The following CCBE1 variants were observed in gnomAD, a reference collection of about 807,000 sequenced individuals.
CCBE1 encodes collagen and calcium binding EGF domains 1.
In CCBE1, 37 loss-of-function variants were observed where a neutral mutation model predicts 50.0. The observed-to-expected ratio is 0.74, with a 90% CI of 0.57 to 0.97. The LOEUF (loss-of-function observed/expected upper bound fraction) is 0.97. Among genes scored for constraint, CCBE1 ranks in the 50% least tolerant of loss-of-function variants. CCBE1 has a pLI of 0.00. For missense variants in CCBE1, 538 were observed against 523.8 expected (o/e 1.03, Z -0.26); for synonymous variants, 234 against 203.7 (o/e 1.15, Z -1.27).
intron 2 of CCBE1, among the ~76,000 whole-genome samples, chr18:59,520,612 G>A (rs547405393): frequency 5.3e-4 from 80 of 152,308 alleles, no homozygotes; most frequent in African/African-American, 1.8e-3. Flanking sequence ...GCTCATGTGC[G>A]CCTGCACACA....
At chr18:59,470,568 T>C (rs1174063255) in intron 3 of CCBE1, among the ~76,000 whole-genome samples, 1 of 152,152 alleles carries the variant, frequency 6.6e-6, no homozygotes, top group Non-Finnish European at 1.5e-5. Flanking sequence ...TAGAGGTCTC[T>C]TTCCAGCTCT....
At chr18:59,616,239 C>T (rs1040252699) in intron 2 of CCBE1, among the ~76,000 whole-genome samples, 2 of 152,046 alleles carry the variant, frequency 1.3e-5, no homozygotes, top group African/African-American at 2.4e-5. Flanking sequence ...AAGAGATGAC[C>T]GCTTTAGGGA....
chr18:59,565,958 A>G (rs774894271), intron 2 of CCBE1, among the ~76,000 whole-genome samples: 22 of 152,268 alleles, frequency 1.4e-4, no homozygotes, highest in Non-Finnish European at 2.4e-4. Context: ...ATGCATTGCC[A>G]AAGACCCCGA....
chr18:59,663,114 T>C (rs1300102735), intron 2 of CCBE1, among the ~76,000 whole-genome samples: 1 of 56,756 alleles, frequency 1.8e-5, no homozygotes, highest in Non-Finnish European at 3.6e-5. Flanking sequence ...GTGCTAGGGA[T>C]AGGGATAGGA....
chr18:59,490,118 C>G (rs1403346076), intron 2 of CCBE1, among the ~76,000 whole-genome samples: 1 of 150,710 alleles, frequency 6.6e-6, no homozygotes, highest in Non-Finnish European at 1.5e-5. Flanking sequence ...TCCTGGGTAG[C>G]TGGGATTACA....
intron 2 of CCBE1, among the ~76,000 whole-genome samples, chr18:59,661,311 C>G (rs1213677807): frequency 6.6e-6 from 1 of 152,176 alleles, no homozygotes; most frequent in Non-Finnish European, 1.5e-5. Flanking sequence ...TGCATTTGGT[C>G]TGGGGGTTAA....
intron 2 of CCBE1, among the ~76,000 whole-genome samples, chr18:59,617,891 C>G (rs1029156092): frequency 6.6e-6 from 1 of 152,164 alleles, no homozygotes; most frequent in East Asian, 1.9e-4. Context: ...CTGAACTAAT[C>G]AAGCCAGTAT....
At chr18:59,595,937 A>G (rs941978776) in intron 2 of CCBE1, among the ~76,000 whole-genome samples, 6 of 152,352 alleles carry the variant, frequency 3.9e-5, no homozygotes, top group Admixed American at 1.3e-4. Context: ...GTGAATGATG[A>G]TGTGCAGACT....
chr18:59,685,578 G>A (rs1291576809), intron 2 of CCBE1, among the ~76,000 whole-genome samples: 1 of 152,170 alleles, frequency 6.6e-6, no homozygotes, highest in African/African-American at 2.4e-5. Flanking sequence ...TCAGCATACT[G>A]GAATCACATG....
intron 2 of CCBE1, among the ~76,000 whole-genome samples, chr18:59,557,554 C>G (rs2052671493): frequency 6.6e-6 from 1 of 152,118 alleles, no homozygotes; most frequent in African/African-American, 2.4e-5. Flanking sequence ...TACGAAGTAC[C>G]TCTGATTGGT....
intron 2 of CCBE1, among the ~76,000 whole-genome samples, chr18:59,649,133 A>AACCT (rs2054094630): frequency 6.6e-6 from 1 of 152,170 alleles, no homozygotes; most frequent in Non-Finnish European, 1.5e-5. Flanking sequence ...CATCCCATGA[A>AACCT]ACCTAGCACA....
intron 2 of CCBE1, among the ~76,000 whole-genome samples, chr18:59,483,492 T>G (rs2143781886): frequency 1.3e-5 from 2 of 152,360 alleles, no homozygotes; most frequent in South Asian, 4.1e-4. Flanking sequence ...ATGCTCAACC[T>G]GTATTGGTCA....
intron 6 of CCBE1, among the ~76,000 whole-genome samples, chr18:59,448,599 T>C (rs944347389): frequency 7.2e-5 from 11 of 152,176 alleles, no homozygotes; most frequent in Non-Finnish European, 7.4e-5. Context: ...TGACCTTCAG[T>C]ACAACTGGGC....
rs146256758 is a variant in CCBE1 at position 59,665,495 on chromosome 18, A to C, written c.212+31134T>G. On this transcript the variant is annotated intron_variant, in intron 2 of 10. Coordinates refer to ENST00000439986, the MANE Select transcript of CCBE1 (RefSeq NM_133459.4). The stretch of plus-strand genomic sequence containing the variant: ...CAATTTAACGGGAAAATTCTTCAGA[A>C]AGTAGGGGTACACCACATCATTTTA... 9.8e-4 allele frequency among the ~76,000 whole-genome samples: 149 copies of C among 152,330 alleles called. 2 individuals are homozygous for C. In the South Asian group the frequency reaches 0.021, roughly 22 times the overall value.
intron 2 of CCBE1, among the ~76,000 whole-genome samples, chr18:59,626,652 T>C (rs2053789271): frequency 6.6e-6 from 1 of 152,278 alleles, no homozygotes; most frequent in South Asian, 2.1e-4. Flanking sequence ...GAGAGGCTTA[T>C]CACCTGGCCC....
At chr18:59,612,466 T>A (rs2053583753) in intron 2 of CCBE1, among the ~76,000 whole-genome samples, 1 of 151,916 alleles carries the variant, frequency 6.6e-6, no homozygotes. Context: ...TGATGGAGAG[T>A]GCTTCCCCCA....
At position 59,586,294 on chromosome 18, in the gene CCBE1, G is replaced by C. The variant is rs753236811; in HGVS notation, c.213-106056C>G. 3.5e-4 allele frequency among the ~76,000 whole-genome samples: 53 copies of C among 152,300 alleles called. 1 individual carries two copies. The highest frequency in any genetic ancestry group is 6.8e-3 in the Middle Eastern group (2 of 294). Reference sequence around the variant, plus strand: ...CTTCTTTCCATTTCAACCACAGGGAGGCTAGTAGCATGAAAATAGTGTGTG... The same window carrying C: ...CTTCTTTCCATTTCAACCACAGGGACGCTAGTAGCATGAAAATAGTGTGTG... On this transcript the variant is annotated intron_variant, in intron 2 of 10. Transcript: ENST00000439986.
chr18:59,678,721 C>G (rs893948940), intron 2 of CCBE1, among the ~76,000 whole-genome samples: 2 of 152,054 alleles, frequency 1.3e-5, no homozygotes, highest in African/African-American at 4.8e-5. Flanking sequence ...TTAATAGAGA[C>G]GGGGTTTCGC....
intron 2 of CCBE1, among the ~76,000 whole-genome samples, chr18:59,484,545 G>A (rs540628876): frequency 2.6e-5 from 4 of 152,226 alleles, no homozygotes; most frequent in Non-Finnish European, 4.4e-5. Context: ...ACGCAGTGGA[G>A]TAAGAAGCAA....
Sources: allele counts gnomAD v4.1 joint callset (sites outside exome capture counted in the v4.1 genomes callset), GRCh38; gene constraint gnomAD v4.1.1; transcripts MANE v1.5; gene names NCBI Gene and HGNC (gene_info 2026-07-23, HGNC 2026-07-21).